The following ARHGAP22 variants were observed in gnomAD, a reference collection of about 807,000 sequenced individuals.
ARHGAP22 encodes the protein rho GTPase-activating protein 22.
Under a neutral mutation model 59.1 loss-of-function variants are expected in ARHGAP22, and 48 were observed. That is an observed-to-expected ratio of 0.81 (90% CI 0.64 to 1.03). The LOEUF (loss-of-function observed/expected upper bound fraction) is 1.03, where lower values mean the gene tolerates loss of function less well. Ranked by LOEUF, ARHGAP22 falls within the 50% of genes least tolerant of loss-of-function variation. The pLI, the probability that ARHGAP22 is intolerant of heterozygous loss-of-function variation, is 0.00. For missense variants in ARHGAP22, 1,015 were observed against 958.7 expected, an observed-to-expected ratio of 1.06 and a Z score of -0.78; for synonymous variants, 445 against 416.4, an observed-to-expected ratio of 1.07 and a Z score of -0.84.
intron 2 of ARHGAP22, among the ~76,000 whole-genome samples, chr10:48,564,309 A>G (rs1272435593): frequency 1.3e-5 from 2 of 152,218 alleles, no homozygotes; most frequent in Non-Finnish European, 1.5e-5. Flanking sequence ...TGGTAAGGCC[A>G]TACCAGAATG....
At chr10:48,493,200 T>C (rs1320587746) in intron 3 of ARHGAP22, among the ~76,000 whole-genome samples, 4 of 152,192 alleles carry the variant, frequency 2.6e-5, no homozygotes, top group African/African-American at 9.7e-5. Context: ...TGTGTGGTGT[T>C]AGCCCTGGGC....
At chr10:48,603,502 G>T (rs1268959673) in intron 1 of ARHGAP22, among the ~76,000 whole-genome samples, 1 of 152,022 alleles carries the variant, frequency 6.6e-6, no homozygotes, top group Non-Finnish European at 1.5e-5. Context: ...ATCAAAATTT[G>T]GTGTGTCTTT....
chr10:48,513,022 T>C (rs1217638726), intron 3 of ARHGAP22, among the ~76,000 whole-genome samples: 2 of 152,204 alleles, frequency 1.3e-5, no homozygotes, highest in South Asian at 2.1e-4. Flanking sequence ...TTACAGAACA[T>C]TGCTTTTTCT....
chr10:48,472,625 C>T (rs759636157), intron 4 of ARHGAP22, among the ~76,000 whole-genome samples: 4 of 152,192 alleles, frequency 2.6e-5, no homozygotes, highest in Non-Finnish European at 4.4e-5. Context: ...TCCCATGTGG[C>T]TCCCTTCCTC....
At chr10:48,617,500 T>C (rs1466847712) in intron 1 of ARHGAP22, among the ~76,000 whole-genome samples, 1 of 152,046 alleles carries the variant, frequency 6.6e-6, no homozygotes, top group Non-Finnish European at 1.5e-5. Context: ...TTATTTCAAG[T>C]ATCTTTTCTG....
rs530391170 is a variant in ARHGAP22 at position 48,505,518 on chromosome 10, G to C, written c.323-25754C>G. 2.7e-4 allele frequency among the ~76,000 whole-genome samples: 41 copies of C among 152,068 alleles called. No individual in the cohort carries two copies. The South Asian group carries it at 8.5e-3, about 32-fold the overall frequency. On this transcript the variant is annotated intron_variant, in intron 3 of 9. Coordinates refer to ENST00000249601, the MANE Select transcript of ARHGAP22 (RefSeq NM_021226.4). The stretch of plus-strand genomic sequence containing the variant: ...GCTCTCCTGGCTGTCCTGCCAGGCT[G>C]TCTGCTCTCCTGCCACCGAGCCCCA...
At chr10:48,547,410 T>C (rs2056535961) in intron 3 of ARHGAP22, among the ~76,000 whole-genome samples, 2 of 152,046 alleles carry the variant, frequency 1.3e-5, no homozygotes, top group South Asian at 4.2e-4. Context: ...GTTTGGGGAG[T>C]TGGGGGGGAG....
chr10:48,502,924 G>GA (rs2051676683), intron 3 of ARHGAP22, among the ~76,000 whole-genome samples: 1 of 152,222 alleles, frequency 6.6e-6, no homozygotes, highest in Admixed American at 6.5e-5. Flanking sequence ...TCAATGCTAG[G>GA]AAGGATCCCG....
At position 48,541,415 on chromosome 10, in the gene ARHGAP22, G is replaced by T. The variant is rs138927987; in HGVS notation, c.322+14048C>A. 2.6e-4 allele frequency among the ~76,000 whole-genome samples: 40 copies of T among 152,306 alleles called. No individual in the cohort carries two copies. The East Asian group carries it at 5.6e-3, about 21-fold the overall frequency. ...CCTGCCCGGTGCGCTATCACCATCT[G>T]AGGGACTTCTGTGCACATCCTTCTG... On this transcript the variant is annotated intron_variant, in intron 3 of 9. Transcript: ENST00000249601.
chr10:48,456,887 C>G (rs2046574658), intron 5 of ARHGAP22, among the ~76,000 whole-genome samples: 1 of 147,524 alleles, frequency 6.8e-6, no homozygotes, highest in African/African-American at 2.5e-5. Context: ...TTTCTTGAGA[C>G]TTTTCCCTAA....
At chr10:48,459,918 C>A (rs2046975425) in intron 4 of ARHGAP22, 27 bp from the exon 5 acceptor site, 5 of 1,600,388 alleles carry the variant, frequency 3.1e-6, no homozygotes, top group Non-Finnish European at 4.3e-6. Context: ...GCTAGTCACA[C>A]CCTCCACCAC....
At chr10:48,575,834 C>A (rs946311462) in intron 2 of ARHGAP22, among the ~76,000 whole-genome samples, 12 of 152,202 alleles carry the variant, frequency 7.9e-5, no homozygotes, top group Admixed American at 7.2e-4. Flanking sequence ...AGGCCCCCAG[C>A]CCTTGTTCCA....
chr10:48,493,048 C>T (rs1386864523), intron 3 of ARHGAP22, among the ~76,000 whole-genome samples: 2 of 152,144 alleles, frequency 1.3e-5, no homozygotes, highest in Non-Finnish European at 2.9e-5. Flanking sequence ...TTTGGACTAG[C>T]CACGTTTCAT....
At chr10:48,439,902 T>TAA in the ARHGAP22 span, among the ~76,000 whole-genome samples, 4 of 152,134 alleles carry the variant, frequency 2.6e-5, no homozygotes, top group Non-Finnish European at 5.9e-5. Context: ...CACACTGCCC[T>TAA]CCTCTGAGGA....
At chr10:48,435,333 T>G in the ARHGAP22 span, 2 of 249,308 alleles carry the variant, frequency 8.0e-6, no homozygotes, top group Non-Finnish European at 1.5e-5. Context: ...TGCTGCTGAT[T>G]TTTTTAACTG....
intron 5 of ARHGAP22, among the ~76,000 whole-genome samples, chr10:48,456,139 A>C (rs954213130): frequency 6.6e-6 from 1 of 152,096 alleles, no homozygotes; most frequent in African/African-American, 2.4e-5. Context: ...CAGGTTGTTC[A>C]TCTGCTTGTC....
At chr10:48,644,088 G>A (rs1445533571) in intron 1 of ARHGAP22, among the ~76,000 whole-genome samples, 5 of 152,042 alleles carry the variant, frequency 3.3e-5, no homozygotes, top group African/African-American at 9.7e-5. Flanking sequence ...CAGAGGTTGC[G>A]GTGAGCCGAG....
intron 3 of ARHGAP22, among the ~76,000 whole-genome samples, chr10:48,482,406 GAC>G (rs1260035928): frequency 6.6e-6 from 1 of 152,188 alleles, no homozygotes; most frequent in Non-Finnish European, 1.5e-5. Flanking sequence ...TGCAAATAGA[GAC>G]AGTTTACTTC....
At chr10:48,606,239 A>G (rs2060667466), upstream of ARHGAP22, among the ~76,000 whole-genome samples, 1 of 152,130 alleles carries the variant, frequency 6.6e-6, no homozygotes, top group South Asian at 2.1e-4. Context: ...ATTGGTATGT[A>G]ATCAACTTTA....
Sources: allele counts gnomAD v4.1 joint callset (sites outside exome capture counted in the v4.1 genomes callset), GRCh38; gene constraint gnomAD v4.1.1; transcripts MANE v1.5; gene names NCBI Gene and HGNC (gene_info 2026-07-23, HGNC 2026-07-21).